The following BRINP1 variants were observed in gnomAD, a reference collection of about 807,000 sequenced individuals.
The protein encoded by BRINP1 is BMP/retinoic acid inducible neural specific 1, also known as BMP/retinoic acid-inducible neural-specific protein 1.
BRINP1 carries 17 observed loss-of-function variants against 72.9 expected under a neutral mutation model. The observed-to-expected ratio is 0.23, with a 90% CI of 0.16 to 0.35. The LOEUF (loss-of-function observed/expected upper bound fraction) is 0.35, where lower values mean the gene tolerates loss of function less well. Among genes scored for constraint, BRINP1 ranks in the 10% least tolerant of loss-of-function variants. The pLI is 1.00. For synonymous variants in BRINP1, 418 were observed against 378.5 expected, an observed-to-expected ratio of 1.10 and a Z score of -1.21; for missense variants, 850 against 1,001.6, an observed-to-expected ratio of 0.85 and a Z score of 2.04.
At chr9:119,184,338 T>C (rs2118841924) in intron 7 of BRINP1, among the ~76,000 whole-genome samples, 1 of 152,258 alleles carries the variant, frequency 6.6e-6, no homozygotes, top group Middle Eastern at 3.4e-3. Context: ...GCCACCATTT[T>C]GGACCTCACT....
chr9:119,255,701 C>T (rs1186655406), intron 2 of BRINP1, among the ~76,000 whole-genome samples: 1 of 152,038 alleles, frequency 6.6e-6, no homozygotes, highest in Non-Finnish European at 1.5e-5. Flanking sequence ...CGCTTGTAAT[C>T]CCAGTACTTT....
intron 7 of BRINP1, among the ~76,000 whole-genome samples, chr9:119,197,246 A>G (rs1409264286): frequency 1.3e-5 from 2 of 152,240 alleles, no homozygotes; most frequent in Non-Finnish European, 2.9e-5. Context: ...AAATTAAAGG[A>G]TGAATAAAGT....
intron 2 of BRINP1, chr9:119,283,201 GAAAC>G (rs1830730217): frequency 1.0e-6 from 1 of 983,186 alleles, no homozygotes; most frequent in South Asian, 4.7e-5. Context: ...TGAAGGGGTG[GAAAC>G]AAACAGTAGT....
At chr9:119,300,265 G>T (rs947374610) in intron 2 of BRINP1, among the ~76,000 whole-genome samples, 1 of 151,868 alleles carries the variant, frequency 6.6e-6, no homozygotes, top group Admixed American at 6.6e-5. Context: ...TGGCTAATGG[G>T]TACAAAAAAT....
chr9:119,208,452 T>C (rs1829882327), intron 7 of BRINP1, among the ~76,000 whole-genome samples: 1 of 152,200 alleles, frequency 6.6e-6, no homozygotes, highest in South Asian at 2.1e-4. Flanking sequence ...TCAGGGCTAG[T>C]GTTCCCCTCC....
intron 7 of BRINP1, among the ~76,000 whole-genome samples, chr9:119,171,538 C>T (rs1163492172): frequency 6.7e-6 from 1 of 150,332 alleles, no homozygotes; most frequent in East Asian, 1.9e-4. Context: ...TAATGGGAGA[C>T]TTTAACACCC....
chr9:119,243,592 T>C (rs1830281685), intron 3 of BRINP1, among the ~76,000 whole-genome samples: 1 of 152,208 alleles, frequency 6.6e-6, no homozygotes, highest in Non-Finnish European at 1.5e-5. Flanking sequence ...CTGGGACAAA[T>C]GGTATTTCTG....
intron 2 of BRINP1, among the ~76,000 whole-genome samples, chr9:119,252,552 A>ATGTGTG (rs1491414290): frequency 6.8e-6 from 1 of 146,798 alleles, no homozygotes; most frequent in Non-Finnish European, 1.5e-5. Flanking sequence ...ATATAGTCAT[A>ATGTGTG]CGTGTGTGTG....
intron 1 of BRINP1, among the ~76,000 whole-genome samples, chr9:119,336,115 C>A (rs1454103370): frequency 2.0e-5 from 3 of 152,158 alleles, no homozygotes; most frequent in African/African-American, 4.8e-5. Flanking sequence ...GAAAAGAAAA[C>A]CCCTCAGAAA....
chr9:119,324,961 G>T (rs982496061), intron 1 of BRINP1, among the ~76,000 whole-genome samples: 11 of 152,006 alleles, frequency 7.2e-5, no homozygotes, highest in Non-Finnish European at 1.5e-4. Context: ...TTAGCTGGCT[G>T]TGGTGGTGCA....
chr9:119,277,003 T>G (rs920552899), intron 2 of BRINP1, among the ~76,000 whole-genome samples: 2 of 152,184 alleles, frequency 1.3e-5, no homozygotes, highest in Non-Finnish European at 2.9e-5. Context: ...GAAACCACTA[T>G]TCTGCCGTCC....
intron 2 of BRINP1, among the ~76,000 whole-genome samples, chr9:119,304,859 C>T (rs928965424): frequency 6.6e-6 from 1 of 152,218 alleles, no homozygotes. Context: ...AGTTTTCTAA[C>T]CCATCTCTCT....
At chr9:119,348,790 C>T (rs1434658194) in intron 1 of BRINP1, among the ~76,000 whole-genome samples, 4 of 152,122 alleles carry the variant, frequency 2.6e-5, no homozygotes, top group Non-Finnish European at 5.9e-5. Context: ...TTATTCATTT[C>T]GGTATCACGC....
chr9:119,286,112 C>G (rs1014642524), intron 2 of BRINP1, among the ~76,000 whole-genome samples: 1 of 152,086 alleles, frequency 6.6e-6, no homozygotes, highest in African/African-American at 2.4e-5. Flanking sequence ...ATTATCACCA[C>G]GAAAATTGTC....
chr9:119,270,139 A>G (rs978179270), intron 2 of BRINP1, among the ~76,000 whole-genome samples: 4 of 151,932 alleles, frequency 2.6e-5, no homozygotes, highest in Non-Finnish European at 5.9e-5. Context: ...CAAGCAGAGG[A>G]GACACCAGGA....
intron 7 of BRINP1, among the ~76,000 whole-genome samples, chr9:119,183,742 T>TG (rs1275046699): frequency 6.6e-6 from 1 of 152,208 alleles, no homozygotes; most frequent in Non-Finnish European, 1.5e-5. Flanking sequence ...CTCTTCTGTT[T>TG]GTTCTCTAAT....
chr9:119,305,203 A>G (rs1236568711), intron 2 of BRINP1, among the ~76,000 whole-genome samples: 1 of 152,196 alleles, frequency 6.6e-6, no homozygotes. Context: ...GTTTTTTTTC[A>G]TGGATTTTTA....
intron 1 of BRINP1, among the ~76,000 whole-genome samples, chr9:119,367,848 T>C (rs538728779): frequency 6.6e-6 from 1 of 152,070 alleles, no homozygotes; most frequent in South Asian, 2.1e-4. Context: ...CTCTCGCTCT[T>C]GCTCTCTCTC....
At chr9:119,282,035 G>C (rs1304423016) in intron 2 of BRINP1, among the ~76,000 whole-genome samples, 1 of 152,136 alleles carries the variant, frequency 6.6e-6, no homozygotes, top group Non-Finnish European at 1.5e-5. Flanking sequence ...GTGGAATTAT[G>C]GAGTCATAGC....
Sources: gnomAD v4.1 joint callset for allele counts (sites outside exome capture counted in the v4.1 genomes callset) on GRCh38, gnomAD v4.1.1 for gene constraint, MANE v1.5 for transcripts, NCBI Gene and HGNC (gene_info 2026-07-23, HGNC 2026-07-21) for gene names.